TMEM132B: variants seen among roughly 807,000 people sequenced by gnomAD.
TMEM132B encodes the protein transmembrane protein 132B.
TMEM132B carries 18 observed loss-of-function variants against 90.8 expected under a neutral mutation model. That is an observed-to-expected ratio of 0.20 (90% CI 0.14 to 0.29). The LOEUF is 0.29. Among genes scored for constraint, TMEM132B ranks in the 10% least tolerant of loss-of-function variants. The pLI is 1.00. For synonymous variants in TMEM132B, 504 were observed against 523.3 expected (o/e 0.96, Z 0.50); for missense variants, 1,096 against 1,326.8 (o/e 0.83, Z 2.70).
Position 125,590,351 on chromosome 12 carries a change from C to A in TMEM132B, c.1437+6357C>A, listed in dbSNP as rs182925722. Among the ~76,000 whole-genome samples, 138 of 152,300 alleles carry A rather than the reference C, an allele frequency of 9.1e-4. 1 individual carries two copies. The highest frequency in any genetic ancestry group is 3.2e-3 in the African/African-American group (133 of 41,546). ...TTTTACTAACTATTCTTTTCCCAGT[C>A]CTAAGCACTGTATCTGGAACACAGT... On this transcript the variant is annotated intron_variant, in intron 5 of 8. Transcript: ENST00000682704.
intron 3 of TMEM132B, among the ~76,000 whole-genome samples, chr12:125,515,510 C>T (rs1440446439): frequency 5.3e-5 from 8 of 151,888 alleles, no homozygotes; most frequent in African/African-American, 4.8e-5. Context: ...TTGACACATT[C>T]GCTCACACCC....
At position 125,186,981 on chromosome 12, in the gene TMEM132B, G is replaced by C. The variant is rs1029286740; in HGVS notation, c.67+115G>C. On this transcript the variant is annotated intron_variant, in intron 1 of 8. Coordinates refer to ENST00000682704, the MANE Select transcript of TMEM132B (RefSeq NM_001366854.1). The surrounding 1 kb of genome is among the most constrained non-coding windows in gnomAD (Gnocchi z 6.3). ...AGCGCGCATCTCCCGGACTTGGACAGACCTGGGGAGACCCTGGGAACCCAG... is the reference window on the plus strand; with the variant it reads ...AGCGCGCATCTCCCGGACTTGGACACACCTGGGGAGACCCTGGGAACCCAG... The C allele has an allele frequency of 4.6e-5, 7 of 152,396 alleles. No homozygotes were observed. Among genetic ancestry groups the C allele is most frequent in the South Asian group, 2.1e-4 (1 of 4,832 alleles). The allele number at this position is 152,396 out of a possible 1,614,324, so 9.4% of individuals were successfully genotyped here. A position where few individuals can be genotyped will look rare whatever the true frequency, so the allele number is the denominator to read the frequency against.
chr12:125,284,386 T>C (rs574253717), intron 1 of TMEM132B, among the ~76,000 whole-genome samples: 1 of 152,326 alleles, frequency 6.6e-6, no homozygotes, highest in South Asian at 2.1e-4. Context: ...GCACTGTGCA[T>C]GTGCTGGGCT....
chr12:125,648,524 T>A (rs1337227776), intron 6 of TMEM132B, among the ~76,000 whole-genome samples: 3 of 139,590 alleles, frequency 2.1e-5, no homozygotes, highest in African/African-American at 8.7e-5. Flanking sequence ...GTGTATAAGA[T>A]CTCCTGTTTT....
chr12:125,264,675 A>C (rs982499657), intron 1 of TMEM132B, among the ~76,000 whole-genome samples: 4 of 152,240 alleles, frequency 2.6e-5, no homozygotes, highest in Non-Finnish European at 1.5e-5. Context: ...TTGCGTGGCA[A>C]GCATGCAGTT....
chr12:125,284,769 A>G (rs567519837), intron 1 of TMEM132B, among the ~76,000 whole-genome samples: 1 of 152,302 alleles, frequency 6.6e-6, no homozygotes, highest in South Asian at 2.1e-4. Flanking sequence ...TTATTGGCCA[A>G]TGTAGCTAAA....
At chr12:125,447,699 G>A (rs952298255) in intron 3 of TMEM132B, among the ~76,000 whole-genome samples, 23 of 152,000 alleles carry the variant, frequency 1.5e-4, no homozygotes, top group African/African-American at 5.3e-4. Context: ...CAGGTAAATG[G>A]TGTCAGTTTT....
intron 4 of TMEM132B, among the ~76,000 whole-genome samples, chr12:125,577,367 C>T (rs1884964217): frequency 6.6e-6 from 1 of 151,506 alleles, no homozygotes; most frequent in Non-Finnish European, 1.5e-5. Flanking sequence ...TGCACTGCTC[C>T]ACTCATCAGT....
intron 1 of TMEM132B, among the ~76,000 whole-genome samples, chr12:125,279,038 G>A (rs938155631): frequency 6.6e-6 from 1 of 152,220 alleles, no homozygotes; most frequent in South Asian, 2.1e-4. Flanking sequence ...ACAGGAAGAA[G>A]TGCCATGCTG....
At chr12:125,360,522 C>T (rs1230520916) in intron 2 of TMEM132B, among the ~76,000 whole-genome samples, 1 of 152,146 alleles carries the variant, frequency 6.6e-6, no homozygotes. Flanking sequence ...ACTTTTACTG[C>T]CTGGTGCTGA....
At chr12:125,530,873 C>T (rs954993820) in intron 4 of TMEM132B, among the ~76,000 whole-genome samples, 3 of 152,214 alleles carry the variant, frequency 2.0e-5, no homozygotes, top group African/African-American at 7.2e-5. Context: ...AGGTCACATC[C>T]TGAGGTTGTC....
At chr12:125,234,163 G>A (rs974427841) in intron 1 of TMEM132B, among the ~76,000 whole-genome samples, 1 of 152,138 alleles carries the variant, frequency 6.6e-6, no homozygotes, top group African/African-American at 2.4e-5. Context: ...TGTGGCCAGG[G>A]ATAGTGCTGG....
chr12:125,642,899 G>A (rs1004472265), intron 5 of TMEM132B, among the ~76,000 whole-genome samples: 14 of 149,580 alleles, frequency 9.4e-5, no homozygotes, highest in Non-Finnish European at 1.9e-4. Flanking sequence ...GCAAAAGGCC[G>A]GTTTCATTTC....
intron 5 of TMEM132B, among the ~76,000 whole-genome samples, chr12:125,637,799 A>G (rs111499020): frequency 0.035 from 5,256 of 152,242 alleles, 133 homozygotes; most frequent in Non-Finnish European, 0.055. Flanking sequence ...ATTCTAGAAA[A>G]TGAAAACCAA....
At chr12:125,210,699 C>T (rs551252244) in intron 1 of TMEM132B, among the ~76,000 whole-genome samples, 31 of 152,266 alleles carry the variant, frequency 2.0e-4, no homozygotes, top group South Asian at 1.0e-3. Flanking sequence ...TGTGGTGGCT[C>T]ATGCCTGTAA....
At chr12:125,433,526 T>C (rs1331738249) in intron 3 of TMEM132B, among the ~76,000 whole-genome samples, 2 of 49,022 alleles carry the variant, frequency 4.1e-5, no homozygotes, top group African/African-American at 5.7e-4. Flanking sequence ...TTTTTGTCTT[T>C]TTTTTTATTA....
intron 3 of TMEM132B, among the ~76,000 whole-genome samples, chr12:125,456,655 C>T (rs770083029): frequency 1.3e-5 from 2 of 152,158 alleles, no homozygotes; most frequent in Admixed American, 6.5e-5. Flanking sequence ...GCTGTTCCTA[C>T]CTGGCCACTC....
At chr12:125,243,208 ATCTTGGC>A (rs1201558960) in intron 1 of TMEM132B, among the ~76,000 whole-genome samples, 18 of 150,828 alleles carry the variant, frequency 1.2e-4, no homozygotes, top group African/African-American at 4.1e-4. Context: ...CAGTGGCATG[ATCTTGGC>A]TCACTGCAAC....
At chr12:125,452,317 T>C (rs1881175165) in intron 3 of TMEM132B, among the ~76,000 whole-genome samples, 1 of 149,988 alleles carries the variant, frequency 6.7e-6, no homozygotes, top group Non-Finnish European at 1.5e-5. Context: ...GTCTCCCAAC[T>C]TGATTCTTTT....
Sources: allele counts gnomAD v4.1 joint callset (sites outside exome capture counted in the v4.1 genomes callset), GRCh38; gene constraint gnomAD v4.1.1; non-coding constraint Gnocchi (gnomAD v3.1); transcripts MANE v1.5; gene names NCBI Gene and HGNC (gene_info 2026-07-23, HGNC 2026-07-21).